DGKB: variants seen among roughly 807,000 people sequenced by gnomAD.
DGKB encodes 90 kDa diacylglycerol kinase.
DGKB carries 67 observed loss-of-function variants against 114.3 expected under a neutral mutation model. The ratio of observed to expected loss-of-function variants is 0.59; its 90% confidence interval spans 0.48 to 0.72. The LOEUF is 0.72. Among genes scored for constraint, DGKB ranks in the 30% least tolerant of loss-of-function variants. The pLI is 0.00. For missense variants in DGKB, 907 were observed against 975.2 expected, an observed-to-expected ratio of 0.93 and a Z score of 0.93; for synonymous variants, 398 against 323.1, an observed-to-expected ratio of 1.23 and a Z score of -2.49.
At chr7:14,912,977 T>C (rs1784067446) in intron 1 of DGKB, among the ~76,000 whole-genome samples, 1 of 152,190 alleles carries the variant, frequency 6.6e-6, no homozygotes, top group South Asian at 2.1e-4. Context: ...TCCGATTTTG[T>C]GGTTCTCGTC....
chr7:14,255,739 CT>C (rs11299209), intron 23 of DGKB, among the ~76,000 whole-genome samples: 44,691 of 147,936 alleles, frequency 0.3, 6,896 homozygotes, highest in Non-Finnish European at 0.35. Flanking sequence ...CTTCTCATCT[CT>C]TTTTTTTTTT....
At chr7:14,906,058 T>C (rs540864421), upstream of DGKB, among the ~76,000 whole-genome samples, 3 of 152,240 alleles carry the variant, frequency 2.0e-5, no homozygotes, top group South Asian at 4.2e-4. Flanking sequence ...ATGAATTTTC[T>C]ACTATACAAA....
chr7:14,258,925 A>G (rs1796327898), intron 23 of DGKB, among the ~76,000 whole-genome samples: 1 of 152,168 alleles, frequency 6.6e-6, no homozygotes, highest in Non-Finnish European at 1.5e-5. Context: ...ACTTTTTTTC[A>G]AAACAGGAAA....
At chr7:14,173,004 G>A (rs772317310) in intron 25 of DGKB, among the ~76,000 whole-genome samples, 1 of 152,100 alleles carries the variant, frequency 6.6e-6, no homozygotes, top group Non-Finnish European at 1.5e-5. Context: ...GCTCTTCTAA[G>A]ACAATTTTCA....
At chr7:14,746,071 G>T (rs931253895) in intron 4 of DGKB, among the ~76,000 whole-genome samples, 5 of 152,132 alleles carry the variant, frequency 3.3e-5, no homozygotes, top group Non-Finnish European at 7.3e-5. Context: ...TTCAGGCTGG[G>T]CATGCTAGCT....
chr7:14,149,407 A>C, intron 25 of DGKB, among the ~76,000 whole-genome samples, 169 bp from the exon 26 acceptor site: 1 of 152,136 alleles, frequency 6.6e-6, no homozygotes, highest in East Asian at 1.9e-4. Context: ...AAATATTTTT[A>C]AGGGAGATAG....
At chr7:14,704,013 G>T (rs184535403) in intron 6 of DGKB, among the ~76,000 whole-genome samples, 3 of 151,868 alleles carry the variant, frequency 2.0e-5, no homozygotes, top group East Asian at 3.9e-4. Context: ...TCGAAAAATA[G>T]AATTCTTACT....
chr7:14,185,941 C>A (rs1425462870), intron 23 of DGKB, among the ~76,000 whole-genome samples: 1 of 152,106 alleles, frequency 6.6e-6, no homozygotes, highest in African/African-American at 2.4e-5. Context: ...GAAAAACTCT[C>A]CTAGACATTG....
intron 19 of DGKB, among the ~76,000 whole-genome samples, chr7:14,576,725 T>A (rs1331245394): frequency 1.3e-5 from 2 of 152,126 alleles, no homozygotes; most frequent in African/African-American, 4.8e-5. Context: ...GGAGAGAACA[T>A]GATAGGAATG....
intron 21 of DGKB, among the ~76,000 whole-genome samples, chr7:14,436,043 C>G (rs915485118): frequency 2.6e-5 from 4 of 151,902 alleles, no homozygotes; most frequent in African/African-American, 9.7e-5. Context: ...CCTAATTTTT[C>G]CCATTGTATG....
At chr7:14,677,122 G>T (rs16878259) in intron 12 of DGKB, among the ~76,000 whole-genome samples, 3,433 of 151,960 alleles carry the variant, frequency 0.023, 127 homozygotes, top group African/African-American at 0.079. Context: ...ATTAGAAAAA[G>T]CTGTCTCAAG....
rs1056351113 is a variant in DGKB at position 14,968,734 on chromosome 7, C to T, written c.-188+5962G>A. 2.0e-5 allele frequency among the ~76,000 whole-genome samples: 3 copies of T among 152,238 alleles called. No homozygotes were observed. In the East Asian group the frequency reaches 5.8e-4, roughly 29 times the overall value. On this transcript the variant is annotated intron_variant, in intron 1 of 4. Transcript: ENST00000437998. ...TTTGCTCTGGAAAAGCAGACCCTGTCAAAATGGAAGCAAAATGTGATATTT... is the reference window on the plus strand; with the variant it reads ...TTTGCTCTGGAAAAGCAGACCCTGTTAAAATGGAAGCAAAATGTGATATTT...
intron 21 of DGKB, among the ~76,000 whole-genome samples, chr7:14,436,861 A>G (rs1829358866): frequency 6.6e-6 from 1 of 152,156 alleles, no homozygotes; most frequent in African/African-American, 2.4e-5. Flanking sequence ...AAAAGTGAGA[A>G]TCATCCTCAA....
In DGKB at chr7:14,801,886, G is replaced by GTA. The variant is rs990973713; in HGVS notation, c.70+39306_70+39307dup. Among the ~76,000 whole-genome samples the GTA allele has an allele frequency of 6.1e-3, 903 of 149,116 alleles. 5 individuals are homozygous for GTA. The highest frequency in any genetic ancestry group is 0.018 in the African/African-American group (724 of 39,986). Reference sequence around the variant, plus strand: ...TGTATATATATACATATGTGTGTGTGTATATATATATACACACATATACAC... The same window carrying GTA: ...TGTATATATATACATATGTGTGTGTGTATATATATATATACACACATATACAC... On this transcript the variant is annotated intron_variant, in intron 2 of 25. Coordinates refer to ENST00000402815, the MANE Select transcript of DGKB (RefSeq NM_001350709.2).
chr7:14,849,374 G>T (rs1849046570), intron 1 of DGKB, among the ~76,000 whole-genome samples: 1 of 151,992 alleles, frequency 6.6e-6, no homozygotes. Flanking sequence ...GGACCTTTGA[G>T]GGGTATTTAG....
intron 20 of DGKB, among the ~76,000 whole-genome samples, chr7:14,513,041 T>A (rs1471915826): frequency 6.6e-6 from 1 of 152,098 alleles, no homozygotes; most frequent in African/African-American, 2.4e-5. Flanking sequence ...AAATTCCTCC[T>A]TGGTACAAGG....
intron 22 of DGKB, among the ~76,000 whole-genome samples, chr7:14,339,781 T>C (rs1228254415): frequency 6.6e-6 from 1 of 152,012 alleles, no homozygotes; most frequent in Middle Eastern, 3.2e-3. Flanking sequence ...AAGAACTTTG[T>C]GAGGGATATG....
chr7:14,326,900 C>A (rs1808837706), intron 23 of DGKB, among the ~76,000 whole-genome samples: 1 of 152,012 alleles, frequency 6.6e-6, no homozygotes, highest in Non-Finnish European at 1.5e-5. Flanking sequence ...AGTACACATG[C>A]AAACACACAC....
chr7:14,389,071 A>T (rs1369343282), intron 21 of DGKB, among the ~76,000 whole-genome samples: 1 of 152,170 alleles, frequency 6.6e-6, no homozygotes, highest in African/African-American at 2.4e-5. Context: ...GCTATTGCTG[A>T]GGTATAGCTT....
Sources: allele counts gnomAD v4.1 joint callset (sites outside exome capture counted in the v4.1 genomes callset), GRCh38; gene constraint gnomAD v4.1.1; transcripts MANE v1.5; gene names NCBI Gene and HGNC (gene_info 2026-07-23, HGNC 2026-07-21).